The following NBAS variants were observed in gnomAD, a reference collection of about 807,000 sequenced individuals.
NBAS encodes the protein NAG/BC035112 fusion.
In NBAS, 219 loss-of-function variants were observed where a neutral mutation model predicts 302.5. The observed-to-expected ratio is 0.72, with a 90% confidence interval of 0.65 to 0.81. The LOEUF (loss-of-function observed/expected upper bound fraction) is 0.81. NBAS is among the 30% of genes least tolerant of loss of function. The pLI is 0.00. For synonymous variants in NBAS, 1,118 were observed against 1,021.6 expected, an observed-to-expected ratio of 1.09 and a Z score of -1.80; for missense variants, 2,932 against 2,841.6, an observed-to-expected ratio of 1.03 and a Z score of -0.72.
chr2:15,545,571 A>G (rs1373859542), intron 6 of NBAS, among the ~76,000 whole-genome samples: 3 of 152,220 alleles, frequency 2.0e-5, no homozygotes. Context: ...AAATTCCACA[A>G]AAACTGAAAT....
At chr2:15,053,700 C>T in the NBAS span, among the ~76,000 whole-genome samples, 1 of 151,640 alleles carries the variant, frequency 6.6e-6, no homozygotes, top group Non-Finnish European at 1.5e-5. Context: ...GCCTAGGGCA[C>T]GTCCATGTGG....
At chr2:15,155,039 TTGAGCTCTGTCACGTAACTAGCTGAA>T in the NBAS span, among the ~76,000 whole-genome samples, 28 of 152,232 alleles carry the variant, frequency 1.8e-4, no homozygotes, top group Non-Finnish European at 4.0e-4. Flanking sequence ...GCACCAGCTT[TTGAGCTCTGTCACGTAACTAGCTGAA>T]TGCTAAGCTA....
intron 48 of NBAS, among the ~76,000 whole-genome samples, chr2:15,208,244 C>T (rs1666236889): frequency 6.6e-6 from 1 of 152,092 alleles, no homozygotes; most frequent in South Asian, 2.1e-4. Context: ...GAAGGAAAAA[C>T]CAAGTGGAAG....
the NBAS span, among the ~76,000 whole-genome samples, chr2:14,889,373 A>G: frequency 6.6e-6 from 1 of 152,208 alleles, no homozygotes; most frequent in Admixed American, 6.5e-5. Context: ...AAATGTTCTA[A>G]ATGAAAATAT....
At chr2:15,374,790 G>A in intron 30 of NBAS, 70 bp from the exon 31 acceptor site, 1 of 1,246,202 alleles carries the variant, frequency 8.0e-7, no homozygotes, top group Non-Finnish European at 1.2e-6. Flanking sequence ...AACACCATGA[G>A]ATCTAACACA....
At chr2:14,913,411 A>G in the NBAS span, among the ~76,000 whole-genome samples, 2 of 152,176 alleles carry the variant, frequency 1.3e-5, no homozygotes, top group Non-Finnish European at 2.9e-5. Context: ...AAGGGCCTTG[A>G]CCACAGGAGC....
At chr2:15,548,327 C>T (rs545445015) in intron 6 of NBAS, among the ~76,000 whole-genome samples, 3 of 152,094 alleles carry the variant, frequency 2.0e-5, no homozygotes, top group South Asian at 2.1e-4. Flanking sequence ...ATTGGGAATC[C>T]GACAAGCAAA....
chr2:15,368,847 C>G (rs1674347939), intron 31 of NBAS, among the ~76,000 whole-genome samples: 1 of 152,190 alleles, frequency 6.6e-6, no homozygotes, highest in Non-Finnish European at 1.5e-5. Context: ...TGTGACAAGA[C>G]CGTGTCTCAA....
intron 48 of NBAS, among the ~76,000 whole-genome samples, chr2:15,210,945 G>A (rs1666379535): frequency 6.6e-6 from 1 of 152,138 alleles, no homozygotes; most frequent in Non-Finnish European, 1.5e-5. Flanking sequence ...CATGCAGATA[G>A]AGAATAGAAG....
At chr2:15,414,931 C>T (rs1231625959) in intron 25 of NBAS, among the ~76,000 whole-genome samples, 3 of 152,106 alleles carry the variant, frequency 2.0e-5, no homozygotes, top group South Asian at 2.1e-4. Flanking sequence ...GCCGAAAGAG[C>T]GAGACTCTGT....
chr2:15,503,233 T>G (rs1165611863), intron 11 of NBAS, among the ~76,000 whole-genome samples: 1 of 148,946 alleles, frequency 6.7e-6, no homozygotes, highest in Non-Finnish European at 1.5e-5. Flanking sequence ...TATGGTTAAC[T>G]TTTTTTTTTA....
At chr2:15,296,703 A>G (rs371073463) in intron 40 of NBAS, among the ~76,000 whole-genome samples, 4 of 152,164 alleles carry the variant, frequency 2.6e-5, no homozygotes, top group Non-Finnish European at 2.9e-5. Context: ...GCCTGCCATA[A>G]TGGTGCATGC....
chr2:15,090,159 C>A, the NBAS span, among the ~76,000 whole-genome samples: 1 of 152,162 alleles, frequency 6.6e-6, no homozygotes, highest in Admixed American at 6.5e-5. Context: ...ATGGCCTCTG[C>A]CATTTGCTAC....
chr2:15,058,523 C>A, the NBAS span, among the ~76,000 whole-genome samples: 5 of 152,198 alleles, frequency 3.3e-5, no homozygotes, highest in African/African-American at 1.2e-4. Flanking sequence ...TCTTAATGGG[C>A]TAAAACATGT....
At chr2:15,205,442 T>C (rs1165896041) in intron 48 of NBAS, among the ~76,000 whole-genome samples, 1 of 150,304 alleles carries the variant, frequency 6.7e-6, no homozygotes, top group Admixed American at 6.7e-5. Flanking sequence ...ATGGACTAAA[T>C]TCGCCAATCA....
chr2:15,200,239 A>G (rs1665813442), intron 48 of NBAS, among the ~76,000 whole-genome samples: 1 of 152,170 alleles, frequency 6.6e-6, no homozygotes, highest in South Asian at 2.1e-4. Context: ...TTATGTCTAT[A>G]GACTAGACAG....
intron 19 of NBAS, among the ~76,000 whole-genome samples, chr2:15,466,244 T>C (rs1427173381): frequency 6.6e-6 from 1 of 152,166 alleles, no homozygotes; most frequent in Non-Finnish European, 1.5e-5. Flanking sequence ...CATTATCAGA[T>C]GTGACATACA....
At chr2:14,864,509 GT>G in the NBAS span, among the ~76,000 whole-genome samples, 1 of 152,146 alleles carries the variant, frequency 6.6e-6, no homozygotes, top group South Asian at 2.1e-4. Context: ...GCCTTGGTCA[GT>G]TCTTTAAGTT....
At chr2:15,349,593 C>T (rs1455180511) in intron 35 of NBAS, among the ~76,000 whole-genome samples, 2 of 152,058 alleles carry the variant, frequency 1.3e-5, no homozygotes, top group Non-Finnish European at 2.9e-5. Context: ...ATCTTCTAGA[C>T]CTCTGATGTC....
Sources: gnomAD v4.1 joint callset for allele counts (sites outside exome capture counted in the v4.1 genomes callset) on GRCh38, gnomAD v4.1.1 for gene constraint, MANE v1.5 for transcripts, NCBI Gene and HGNC (gene_info 2026-07-23, HGNC 2026-07-21) for gene names.